The following PFKFB3 variants were observed in gnomAD, a reference collection of about 807,000 sequenced individuals.
PFKFB3 encodes the protein 6-phosphofructo-2-kinase/fructose-2,6-bisphosphatase 3.
PFKFB3 carries 33 observed loss-of-function variants against 68.0 expected under a neutral mutation model. The ratio of observed to expected loss-of-function variants is 0.49; its 90% CI spans 0.37 to 0.65. PFKFB3 has a LOEUF of 0.65. PFKFB3 is among the 30% of genes least tolerant of loss of function. The pLI is 0.00. For missense variants in PFKFB3, 586 were observed against 712.2 expected (o/e 0.82, Z 2.02); for synonymous variants, 315 against 288.2 (o/e 1.09, Z -0.94).
chr10:6,295,127 T>A, the PFKFB3 span, among the ~76,000 whole-genome samples: 8 of 152,210 alleles, frequency 5.3e-5, no homozygotes, highest in Non-Finnish European at 1.5e-5. Flanking sequence ...GTGTCACAGA[T>A]TAAAATTTTC....
intron 1 of PFKFB3, among the ~76,000 whole-genome samples, chr10:6,172,526 TGAG>T (rs1319706345): frequency 6.6e-6 from 1 of 152,166 alleles, no homozygotes; most frequent in Non-Finnish European, 1.5e-5. Flanking sequence ...ATGTTCCAAA[TGAG>T]GAAACCGGGG....
chr10:6,266,485 A>G, the PFKFB3 span, among the ~76,000 whole-genome samples: 1 of 152,138 alleles, frequency 6.6e-6, no homozygotes, highest in Non-Finnish European at 1.5e-5. Context: ...ATCTGGTTGT[A>G]GTTGTGTTAT....
chr10:6,183,727 AC>A (rs1394918647), intron 1 of PFKFB3, among the ~76,000 whole-genome samples: 1 of 149,298 alleles, frequency 6.7e-6, no homozygotes. Flanking sequence ...TCGCTCTGTC[AC>A]CCAGGCTGGA....
In PFKFB3 at chr10:6,220,942, G is replaced by GTGCTGCTGCTGCTGC. The variant is rs3084010; in HGVS notation, c.831+91_831+105dup. 1.8e-5 allele frequency: 16 copies of GTGCTGCTGCTGCTGC among 887,052 alleles called. No individual in the cohort carries two copies. The highest frequency in any genetic ancestry group is 1.7e-4 in the South Asian group (12 of 69,956). The allele number at this position is 887,052 out of a possible 1,614,324, so 54.9% of individuals were successfully genotyped here. ...GTCTATAGGGTGGGTGGGGAGCTGT[G>GTGCTGCTGCTGCTGC]TGCTGCTGCTGCTGCTGCTGCTGCT... On this transcript the variant is annotated intron_variant, in intron 8 of 14. Transcript: ENST00000379775. The surrounding 1 kb of genome is among the most constrained non-coding windows in gnomAD (Gnocchi z 4.1).
chr10:6,250,331 C>T (rs1003672665), intron 14 of PFKFB3, among the ~76,000 whole-genome samples: 17 of 152,048 alleles, frequency 1.1e-4, no homozygotes, highest in South Asian at 4.2e-4. Context: ...TTTGGGAGGC[C>T]GAGGCGGGCA....
chr10:6,286,481 G>T, the PFKFB3 span, among the ~76,000 whole-genome samples: 1 of 151,802 alleles, frequency 6.6e-6, no homozygotes, highest in Non-Finnish European at 1.5e-5. Flanking sequence ...GGGTTCAAGT[G>T]ATTCTCCTGC....
rs1230184543 is a variant in PFKFB3, at chr10:6,228,110, G to T, written c.1515+1745G>T. ...TAGGGACGTCTGAAGCTGCTGGCTG[G>T]GCCGGCGTGGGGTTTTTCAGGGCTT... On this transcript the variant is annotated intron_variant, in intron 14 of 14. Coordinates refer to ENST00000379775, the MANE Select transcript of PFKFB3 (RefSeq NM_004566.4). The surrounding 1 kb of genome is among the most constrained non-coding windows in gnomAD (Gnocchi z 4.5). The T allele has an allele frequency of 6.8e-7, 1 of 1,467,218 alleles. No individual in the cohort carries two copies. Among genetic ancestry groups the T allele is most frequent in the Non-Finnish European group, 9.5e-7 (1 of 1,049,516 alleles). The allele number at this position is 1,467,218 out of a possible 1,614,324, so 90.9% of individuals were successfully genotyped here. A position where few individuals can be genotyped will look rare whatever the true frequency, so the allele number is the denominator to read the frequency against.
intron 14 of PFKFB3, among the ~76,000 whole-genome samples, chr10:6,243,764 C>T (rs970733265): frequency 6.6e-6 from 1 of 152,174 alleles, no homozygotes; most frequent in Non-Finnish European, 1.5e-5. Flanking sequence ...GCTAGGTCGC[C>T]CAAGGCTGAA....
At chr10:6,277,717 G>A in the PFKFB3 span, 1 of 399,356 alleles carries the variant, frequency 2.5e-6, no homozygotes, top group Admixed American at 2.7e-5. Context: ...CTCCCTAGAA[G>A]CTGAGCAGAT....
chr10:6,187,949 TTCTATCTA>T (rs36144362), intron 1 of PFKFB3, among the ~76,000 whole-genome samples: 21,660 of 149,598 alleles, frequency 0.14, 1,860 homozygotes, highest in East Asian at 0.27. Context: ...CCCTCTCCAT[TTCTATCTA>T]TCTATCTATC....
intron 1 of PFKFB3, among the ~76,000 whole-genome samples, chr10:6,175,745 A>G (rs146236015): frequency 3.7e-4 from 57 of 152,352 alleles, no homozygotes; most frequent in African/African-American, 1.3e-3. Flanking sequence ...AATGGCCCGT[A>G]AGCATAGAAA....
Position 6,220,852 on chromosome 10 carries a change from G to A in PFKFB3, c.818G>A (p.Ser273Asn), listed in dbSNP as rs748570830. The change falls in exon 8 of 15, where the codon AGC (serine) becomes AAC (asparagine). Residue 273 changes from serine to asparagine, a missense_variant. Coordinates refer to ENST00000379775, the MANE Select transcript of PFKFB3 (RefSeq NM_004566.4). This position sits in a 1 kb window ranked among gnomAD's most constrained non-coding sequence, Gnocchi z 4.1. ...ATCGGGGGCGACTCAGGCCTGTCCA[G>A]CCGGGGCAAGAAGGTGCGGGGTGTG... Reference protein sequence around the residue: ...GRIGGDSGLSSRGKKFASALS... With the variant: ...GRIGGDSGLSNRGKKFASALS... The A allele has an allele frequency of 6.2e-6, 10 of 1,611,494 alleles. No homozygotes were observed. The Admixed American group carries it at 1.7e-4, about 27-fold the overall frequency.
At chr10:6,176,049 C>T (rs1342107986) in intron 1 of PFKFB3, among the ~76,000 whole-genome samples, 1 of 152,178 alleles carries the variant, frequency 6.6e-6, no homozygotes, top group Non-Finnish European at 1.5e-5. Context: ...GGTGAGAGCC[C>T]CCAAACGGAA....
the PFKFB3 span, among the ~76,000 whole-genome samples, chr10:6,282,465 A>G: frequency 6.6e-6 from 1 of 152,154 alleles, no homozygotes; most frequent in African/African-American, 2.4e-5. Context: ...TCTGATTATG[A>G]TAGCACCACT....
Position 6,216,088 on chromosome 10 carries a change from C to T in PFKFB3, c.300-37C>T, listed in dbSNP as rs576378564. The T allele has an allele frequency of 1.9e-5, 31 of 1,597,256 alleles. 1 individual carries two copies. In the South Asian group the frequency reaches 2.1e-4, roughly 11 times the overall value. On this transcript the variant is annotated intron_variant, in intron 3 of 14. Coordinates refer to ENST00000379775, the MANE Select transcript of PFKFB3 (RefSeq NM_004566.4). ...GCTTGGGCTGCCCCAGCGGATGCAC[C>T]GGCGCTGACATTCGGGCAATGTCTT...
intron 1 of PFKFB3, among the ~76,000 whole-genome samples, chr10:6,170,896 A>G (rs1426596889): frequency 1.3e-5 from 2 of 152,192 alleles, no homozygotes; most frequent in Non-Finnish European, 2.9e-5. Flanking sequence ...CAGGAAGAGG[A>G]AGATGACAGG....
In PFKFB3 at chr10:6,215,393, A is replaced by C; in HGVS notation, c.299+76A>C. 5 of 1,150,876 alleles carry C rather than the reference A, an allele frequency of 4.3e-6. No individual in the cohort carries two copies. The highest frequency in any genetic ancestry group is 6.4e-6 in the Non-Finnish European group (5 of 775,764). 71.3% of individuals were successfully genotyped at this position (1,150,876 alleles called of 1,614,324 possible). A position where few individuals can be genotyped will look rare whatever the true frequency, so the allele number is the denominator to read the frequency against. ...CGCGGGCATAAGGCTGGGCTGCAGG[A>C]GTAAGGCTGGGCCGCGGGCGTAGGG... On this transcript the variant is annotated intron_variant, in intron 3 of 14. Transcript: ENST00000379775. The surrounding 1 kb of genome is among the most constrained non-coding windows in gnomAD (Gnocchi z 4.3).
the PFKFB3 span, among the ~76,000 whole-genome samples, chr10:6,268,692 TG>T: frequency 6.6e-6 from 1 of 151,316 alleles, no homozygotes; most frequent in Non-Finnish European, 1.5e-5. Context: ...CTTTTTTTTT[TG>T]TACTGGATCA....
chr10:6,297,247 A>T, the PFKFB3 span, among the ~76,000 whole-genome samples: 12 of 152,198 alleles, frequency 7.9e-5, no homozygotes, highest in African/African-American at 1.9e-4. Context: ...ATCTGCCTTG[A>T]TTGATGTGCA....
Sources: gnomAD v4.1 joint callset for allele counts (sites outside exome capture counted in the v4.1 genomes callset) on GRCh38, gnomAD v4.1.1 for gene constraint, Gnocchi (gnomAD v3.1) non-coding constraint, MANE v1.5 for transcripts, NCBI Gene and HGNC (gene_info 2026-07-23, HGNC 2026-07-21) for gene names.